PLA1A: variants seen among roughly 807,000 people sequenced by gnomAD.
PLA1A encodes the protein phospholipase A1 member A, also known as phosphatidylserine-specific phospholipase A1alpha.
PLA1A carries 47 observed loss-of-function variants against 49.4 expected under a neutral mutation model. The observed-to-expected ratio is 0.95, with a 90% CI of 0.75 to 1.21. PLA1A has a LOEUF of 1.21. Among genes scored for constraint, PLA1A ranks in the 50% most tolerant of loss-of-function variants. PLA1A has a pLI of 0.00. For synonymous variants in PLA1A, 224 were observed against 207.9 expected (o/e 1.08, Z -0.67); for missense variants, 561 against 563.9 (o/e 0.99, Z 0.05).
intron 5 of PLA1A, 58 bp downstream of exon 5, chr3:119,613,176 G>T: frequency 8.6e-7 from 1 of 1,168,506 alleles, no homozygotes. Flanking sequence ...CGCCTAGGAG[G>T]CTGGCATCTA....
At chr3:119,607,200 A>G in intron 2 of PLA1A, 1 of 551,228 alleles carries the variant, frequency 1.8e-6, no homozygotes, top group Non-Finnish European at 3.3e-6. Context: ...TTGTCTACAC[A>G]CTCACGAACA....
chr3:119,598,307 C>T (rs981916815), intron 1 of PLA1A, among the ~76,000 whole-genome samples: 2 of 152,046 alleles, frequency 1.3e-5, no homozygotes, highest in African/African-American at 2.4e-5. Context: ...CATTTTTCAC[C>T]CCATAAATAT....
At position 119,618,029 on chromosome 3, in the gene PLA1A, T is replaced by C. The variant is rs771863062; in HGVS notation, c.765T>C (p.Tyr255=). Residue 255 remains tyrosine, a synonymous_variant, in exon 7 of 11, where the codon TAT becomes TAC. Transcript: ENST00000273371. Reference sequence around the variant, plus strand: ...TTTTTCTCTGTTCAGGTTATAGTTATCTGATCTGTGATCACATGAGGGCTG... The same window carrying C: ...TTTTTCTCTGTTCAGGTTATAGTTACCTGATCTGTGATCACATGAGGGCTG... The part of the protein sequence containing the change: ...CPTFFYAGYS[Y]LICDHMRAVH... The C allele has an allele frequency of 3.1e-6, 5 of 1,611,684 alleles. No homozygotes were observed. The South Asian group carries it at 5.5e-5, about 18-fold the overall frequency.
chr3:119,602,231 G>T (rs1053571916), intron 1 of PLA1A, among the ~76,000 whole-genome samples: 12 of 152,140 alleles, frequency 7.9e-5, no homozygotes, highest in Non-Finnish European at 1.6e-4. Context: ...GCATGTGTAA[G>T]CTAGGGATCA....
intron 1 of PLA1A, chr3:119,600,503 C>A: frequency 3.0e-6 from 2 of 677,632 alleles, no homozygotes; most frequent in South Asian, 3.1e-5. Flanking sequence ...TCCCTTTCTC[C>A]GCTAGACTTT....
At chr3:119,609,857 G>C (rs763628834) in intron 4 of PLA1A, among the ~76,000 whole-genome samples, 13 of 152,002 alleles carry the variant, frequency 8.6e-5, no homozygotes, top group Admixed American at 2.0e-4. Context: ...CAGGATTTAC[G>C]TGTGCAGGTT....
At chr3:119,627,071 C>T (rs1015536759) in intron 9 of PLA1A, among the ~76,000 whole-genome samples, 2 of 150,182 alleles carry the variant, frequency 1.3e-5, no homozygotes, top group Admixed American at 6.6e-5. Context: ...CCAATCACAT[C>T]AGGGTCTCTG....
intron 6 of PLA1A, among the ~76,000 whole-genome samples, chr3:119,616,555 T>C (rs1015460110): frequency 1.3e-5 from 2 of 152,256 alleles, no homozygotes; most frequent in Non-Finnish European, 2.9e-5. Flanking sequence ...GCAGACTAAA[T>C]TTGTCAAAAT....
chr3:119,612,962 G>A, intron 4 of PLA1A, 55 bp from the exon 5 acceptor site: 1 of 1,175,016 alleles, frequency 8.5e-7, no homozygotes, highest in Non-Finnish European at 1.2e-6. Flanking sequence ...GTGGGTCCAT[G>A]AATGTTCCTG....
At chr3:119,620,131 A>T (rs1416016495) in intron 8 of PLA1A, 1 of 456,858 alleles carries the variant, frequency 2.2e-6, no homozygotes, top group Non-Finnish European at 4.4e-6. Flanking sequence ...TGAAGCTAGG[A>T]TGCTGGTGAT....
intron 8 of PLA1A, chr3:119,620,216 TCC>T (rs144464347): frequency 0.02 from 8,890 of 453,286 alleles, 119 homozygotes; most frequent in African/African-American, 0.045. Context: ...CCGTCATCCT[TCC>T]CTATGCTATG....
rs769466249 is a variant in PLA1A, at chr3:119,619,646, T to C, written c.1006T>C (p.Tyr336His). 2.5e-6 allele frequency: 4 copies of C among 1,604,396 alleles called. No homozygotes were observed. In the African/African-American group the frequency reaches 5.4e-5, roughly 21 times the overall value. The change falls in exon 8 of 11, where the codon TAC becomes CAC. Residue 336 changes from tyrosine (Y) to histidine (H), a missense_variant. Physicochemically the swap from Tyr to His is moderately conservative, Grantham distance 83. Coordinates refer to ENST00000273371, the MANE Select transcript of PLA1A (RefSeq NM_015900.4). ...CCTCCTGACTACTTCCAGTGCTCCGTACTGCAGTGAGTAGGGGGAAATGCA... is the reference window on the plus strand; with the variant it reads ...CCTCCTGACTACTTCCAGTGCTCCGCACTGCAGTGAGTAGGGGGAAATGCA... ...VYLLTTSSAPYCMHHSLVEFH... is the reference protein window; with the variant it reads ...VYLLTTSSAPHCMHHSLVEFH...
At chr3:119,598,057 A>G in intron 1 of PLA1A, 71 bp downstream of exon 1, 2 of 964,494 alleles carry the variant, frequency 2.1e-6, no homozygotes, top group Non-Finnish European at 3.2e-6. Flanking sequence ...CTACTTATGC[A>G]GTACTAACTT....
At position 119,608,970 on chromosome 3, in the gene PLA1A, T is replaced by G. The variant is rs772138872; in HGVS notation, c.453+23T>G. The G allele has an allele frequency of 1.9e-6, 3 of 1,602,408 alleles. No individual in the cohort carries two copies. The East Asian group carries it at 6.7e-5, about 36-fold the overall frequency. On this transcript the variant is annotated intron_variant, in intron 3 of 10. Transcript: ENST00000273371. ...CTGGTAGGTGCAGAAGAGCTTAGGG[T>G]GAGTTTGGGCTGCGTATGAGGAGAG...
At chr3:119,606,459 A>T (rs1024218134) in intron 1 of PLA1A, among the ~76,000 whole-genome samples, 2 of 152,202 alleles carry the variant, frequency 1.3e-5, no homozygotes, top group African/African-American at 4.8e-5. Flanking sequence ...TTAAGATTTC[A>T]ACATATGAAT....
intron 9 of PLA1A, among the ~76,000 whole-genome samples, chr3:119,627,753 C>A (rs1003448883): frequency 6.6e-6 from 1 of 152,182 alleles, no homozygotes; most frequent in Non-Finnish European, 1.5e-5. Context: ...CTGGGTGGTG[C>A]AGCTCTGCTG....
intron 9 of PLA1A, among the ~76,000 whole-genome samples, 175 bp downstream of exon 9, chr3:119,625,407 T>C (rs1420315999): frequency 6.6e-6 from 1 of 152,098 alleles, no homozygotes; most frequent in East Asian, 1.9e-4. Context: ...GCTGAGGAGC[T>C]GTTCAGTAGT....
chr3:119,602,758 G>A (rs2107775592), intron 1 of PLA1A, among the ~76,000 whole-genome samples: 1 of 152,248 alleles, frequency 6.6e-6, no homozygotes, highest in South Asian at 2.1e-4. Flanking sequence ...TAGATTAGAA[G>A]GTGATGATTG....
intron 2 of PLA1A, 99 bp downstream of exon 2, chr3:119,607,074 A>G (rs1006020617): frequency 1.7e-5 from 16 of 916,104 alleles, no homozygotes; most frequent in Non-Finnish European, 2.1e-5. Context: ...GAATGAATTT[A>G]CCAATGGCCA....
Sources: gnomAD v4.1 joint callset for allele counts (sites outside exome capture counted in the v4.1 genomes callset) on GRCh38, gnomAD v4.1.1 for gene constraint, MANE v1.5 for transcripts, NCBI Gene and HGNC (gene_info 2026-07-23, HGNC 2026-07-21) for gene names.